PBX3: variants seen among roughly 807,000 people sequenced by gnomAD.
The protein encoded by PBX3 is PBX homeobox 3.
In PBX3, 14 loss-of-function variants were observed where a neutral mutation model predicts 48.5. The observed-to-expected ratio is 0.29, with a 90% confidence interval of 0.19 to 0.45. The LOEUF (loss-of-function observed/expected upper bound fraction) is 0.45. Among genes scored for constraint, PBX3 ranks in the 20% least tolerant of loss-of-function variants. The pLI, the probability that PBX3 is intolerant of heterozygous loss-of-function variation, is 1.00. For synonymous variants in PBX3, 210 were observed against 200.3 expected (o/e 1.05, Z -0.41); for missense variants, 386 against 546.7 (o/e 0.71, Z 2.93).
At chr9:125,927,133 T>A (rs1841595548) in intron 3 of PBX3, among the ~76,000 whole-genome samples, 1 of 152,222 alleles carries the variant, frequency 6.6e-6, no homozygotes, top group Admixed American at 6.5e-5. Flanking sequence ...AATTCTTCTC[T>A]TATGATTCAG....
chr9:125,933,938 G>A (rs1224395205), intron 4 of PBX3, among the ~76,000 whole-genome samples: 1 of 152,058 alleles, frequency 6.6e-6, no homozygotes, highest in Non-Finnish European at 1.5e-5. Flanking sequence ...TCGGGACCTT[G>A]TCTTTCTTTT....
Position 125,957,887 on chromosome 9 carries a change from C to T in PBX3, c.844-2797C>T, listed in dbSNP as rs1051063604. ...AAGGCCTGACAGTCTTAGTCAGAAACGCTAGAGTGATAATTATGTATTAAA... is the reference window on the plus strand; with the variant it reads ...AAGGCCTGACAGTCTTAGTCAGAAATGCTAGAGTGATAATTATGTATTAAA... On this transcript the variant is annotated intron_variant, in intron 5 of 8. Transcript: ENST00000373489. Among the ~76,000 whole-genome samples, 4 of 152,138 alleles carry T rather than the reference C, an allele frequency of 2.6e-5. No homozygotes were observed. The East Asian group carries it at 7.7e-4, about 29-fold the overall frequency.
intron 5 of PBX3, among the ~76,000 whole-genome samples, chr9:125,945,533 T>C (rs2132559067): frequency 6.6e-6 from 1 of 152,342 alleles, no homozygotes; most frequent in East Asian, 1.9e-4. Context: ...TCCCCATGAT[T>C]GTAACTGAAC....
chr9:125,823,708 A>G lies in PBX3; in HGVS notation c.274+75085A>G, dbSNP rs1459625818. On this transcript the variant is annotated intron_variant, in intron 2 of 8. Coordinates refer to ENST00000373489, the MANE Select transcript of PBX3 (RefSeq NM_006195.6). Reference sequence around the variant, plus strand: ...TTATCTTGGGGTTTAGAAGACAGAAAAGAATGGTTAAGAGAAGGAAGTACA... The same window carrying G: ...TTATCTTGGGGTTTAGAAGACAGAAGAGAATGGTTAAGAGAAGGAAGTACA... Among the ~76,000 whole-genome samples, 5 of 152,208 alleles carry G rather than the reference A, an allele frequency of 3.3e-5. No individual in the cohort carries two copies. In the East Asian group the frequency reaches 7.7e-4, roughly 23 times the overall value.
In PBX3 at chr9:125,966,455, A is replaced by G. The variant is rs1037970579; in HGVS notation, c.*532A>G. On this transcript the variant is annotated 3_prime_UTR_variant, in exon 9 of 9. Transcript: ENST00000373489. The stretch of plus-strand genomic sequence containing the variant: ...AATCTTCCTCGTCACGTTTGTGTTC[A>G]GATCTCTTATGTTATAATTAGATCA... 2 of 152,822 alleles carry G rather than the reference A, an allele frequency of 1.3e-5. No individual in the cohort carries two copies. Among genetic ancestry groups the G allele is most frequent in the Non-Finnish European group, 2.9e-5 (2 of 68,152 alleles). The allele number at this position is 152,822 out of a possible 1,614,324, so 9.5% of individuals were successfully genotyped here. A position where few individuals can be genotyped will look rare whatever the true frequency, so the allele number is the denominator to read the frequency against.
At chr9:125,893,547 CTA>C (rs1241522570) in intron 2 of PBX3, among the ~76,000 whole-genome samples, 1 of 152,082 alleles carries the variant, frequency 6.6e-6, no homozygotes, top group Non-Finnish European at 1.5e-5. Flanking sequence ...GTGGAGAAAA[CTA>C]ATTGAGAAAT....
intron 4 of PBX3, among the ~76,000 whole-genome samples, chr9:125,934,061 C>T (rs932893425): frequency 2.0e-5 from 3 of 152,176 alleles, no homozygotes; most frequent in Admixed American, 2.0e-4. Context: ...AGTTCATCAT[C>T]AAATCCTGTT....
chr9:125,908,030 A>G (rs1841116841), intron 2 of PBX3, among the ~76,000 whole-genome samples: 1 of 152,160 alleles, frequency 6.6e-6, no homozygotes, highest in African/African-American at 2.4e-5. Flanking sequence ...ATTTGAACAT[A>G]GAGGATTTTT....
intron 2 of PBX3, among the ~76,000 whole-genome samples, chr9:125,773,729 A>G (rs1335573262): frequency 1.3e-5 from 2 of 152,242 alleles, no homozygotes; most frequent in African/African-American, 2.4e-5. Context: ...GTCGTAGCAT[A>G]TGTTCGTTAT....
chr9:125,790,149 A>G (rs973702156), intron 2 of PBX3, among the ~76,000 whole-genome samples: 4 of 152,238 alleles, frequency 2.6e-5, no homozygotes, highest in Non-Finnish European at 5.9e-5. Context: ...TACTCTTGAT[A>G]TAAGCTCTTA....
intron 2 of PBX3, among the ~76,000 whole-genome samples, chr9:125,753,290 T>A (rs891933713): frequency 6.6e-6 from 1 of 152,020 alleles, no homozygotes; most frequent in South Asian, 2.1e-4. Context: ...TTTACCTTTT[T>A]TTTTTTCTAT....
chr9:125,925,383 C>T (rs1841551777), intron 3 of PBX3, among the ~76,000 whole-genome samples: 1 of 152,166 alleles, frequency 6.6e-6, no homozygotes, highest in East Asian at 1.9e-4. Flanking sequence ...AAAATACACA[C>T]TAGATTTCAA....
At chr9:125,929,588 G>T in intron 3 of PBX3, 67 bp from the exon 4 acceptor site, 2 of 1,134,424 alleles carry the variant, frequency 1.8e-6, no homozygotes, top group Non-Finnish European at 1.3e-6. Context: ...TGTAAATTCA[G>T]ATGAGTGAAT....
chr9:125,869,000 G>A lies in PBX3; in HGVS notation c.275-46686G>A, dbSNP rs372953377. ...AAAAAGCCACCATGACTATGAGATA[G>A]CAGCAACATCAAACTGCAGGATCAG... is the stretch of plus-strand genomic sequence containing the variant. On this transcript the variant is annotated intron_variant, in intron 2 of 8. Transcript: ENST00000373489. 4.9e-4 allele frequency among the ~76,000 whole-genome samples: 75 copies of A among 152,292 alleles called. 1 individual carries two copies. In the East Asian group the frequency reaches 0.012, roughly 24 times the overall value.
In PBX3 at chr9:125,854,824, C is replaced by T. The variant is rs543999690; in HGVS notation, c.275-60862C>T. On this transcript the variant is annotated intron_variant, in intron 2 of 8. Coordinates refer to ENST00000373489, the MANE Select transcript of PBX3 (RefSeq NM_006195.6). Reference sequence around the variant, plus strand: ...TTGGTTATCAAGTTGCCATGGGTTCCAAACTCCCAGTTTTGCTATTTATTA... The same window carrying T: ...TTGGTTATCAAGTTGCCATGGGTTCTAAACTCCCAGTTTTGCTATTTATTA... 1.5e-4 allele frequency among the ~76,000 whole-genome samples: 23 copies of T among 152,212 alleles called. No individual in the cohort carries two copies. In the South Asian group the frequency reaches 4.6e-3, roughly 30 times the overall value.
intron 5 of PBX3, among the ~76,000 whole-genome samples, chr9:125,951,434 A>G (rs1482476351): frequency 1.3e-5 from 2 of 152,130 alleles, no homozygotes; most frequent in Non-Finnish European, 2.9e-5. Flanking sequence ...GTGTCTCACC[A>G]GCACTGGGAG....
In PBX3 at chr9:125,962,133, T is replaced by G. The variant is rs763704099; in HGVS notation, c.1041T>G (p.Ser347=). The G allele has an allele frequency of 3.1e-6, 5 of 1,611,778 alleles. No individual in the cohort carries two copies. The South Asian group carries it at 5.5e-5, about 18-fold the overall frequency. ...CTGGTTCTTTTAACCTCCCAAATTC[T>G]GGGGACATGTTCATGAACATGCAGA... ...GSSGSFNLPN[S]GDMFMNMQSL... is the part of the protein sequence containing the mutation. Residue 347 remains serine (S), a synonymous_variant, in exon 7 of 9, where the codon TCT becomes TCG. Coordinates refer to ENST00000373489, the MANE Select transcript of PBX3 (RefSeq NM_006195.6).
chr9:125,914,458 G>T (rs1414638620), intron 2 of PBX3, among the ~76,000 whole-genome samples: 1 of 152,208 alleles, frequency 6.6e-6, no homozygotes, highest in East Asian at 1.9e-4. Flanking sequence ...AATGAAATCT[G>T]TTCTTAAAAG....
chr9:125,846,395 T>C (rs1839426816), intron 2 of PBX3, among the ~76,000 whole-genome samples: 1 of 152,022 alleles, frequency 6.6e-6, no homozygotes, highest in African/African-American at 2.4e-5. Flanking sequence ...TTTAGAAAAA[T>C]ATTTTGAGAG....
Sources: allele counts gnomAD v4.1 joint callset (sites outside exome capture counted in the v4.1 genomes callset), GRCh38; gene constraint gnomAD v4.1.1; transcripts MANE v1.5; gene names NCBI Gene and HGNC (gene_info 2026-07-23, HGNC 2026-07-21).